The following RNF149 variants were observed in gnomAD, a reference collection of about 807,000 sequenced individuals.
The protein encoded by RNF149 is ring finger protein 149, also known as E3 ubiquitin-protein ligase RNF149.
A neutral mutation model predicts 39.0 loss-of-function variants in RNF149; 21 were observed. The observed-to-expected ratio is 0.54, with a 90% CI of 0.38 to 0.77. The LOEUF is 0.77. Ranked by LOEUF, RNF149 falls within the 30% of genes least tolerant of loss-of-function variation. RNF149 has a pLI of 0.00. For synonymous variants in RNF149, 209 were observed against 213.6 expected, an observed-to-expected ratio of 0.98 and a Z score of 0.19; for missense variants, 493 against 534.9, an observed-to-expected ratio of 0.92 and a Z score of 0.77.
chr2:101,275,624 G>A lies in RNF149; in HGVS notation c.*1614C>T, dbSNP rs1419406527. On this transcript the variant is annotated 3_prime_UTR_variant, in exon 7 of 7. Transcript: ENST00000295317. Reference sequence around the variant, plus strand: ...GCCCGGCTAATTTTTTGTATTTTTAGTAGAGACGGGGTTTCACCGTTTTAG... The same window carrying A: ...GCCCGGCTAATTTTTTGTATTTTTAATAGAGACGGGGTTTCACCGTTTTAG... The A allele has an allele frequency of 2.7e-5, 4 of 149,394 alleles. No individual in the cohort carries two copies. The highest frequency in any genetic ancestry group is 4.3e-4 in the East Asian group (2 of 4,688). 9.3% of individuals were successfully genotyped at this position (149,394 alleles called of 1,614,324 possible). A position where few individuals can be genotyped will look rare whatever the true frequency, so the allele number is the denominator to read the frequency against.
chr2:101,275,972 G>C lies in RNF149; in HGVS notation c.*1266C>G. On this transcript the variant is annotated 3_prime_UTR_variant, in exon 7 of 7. Transcript: ENST00000295317. Reference sequence around the variant, plus strand: ...CTGTAGAGTTTATTTCAGTAAAACTGTTTACTATTTCATGATGAGTAGCTA... The same window carrying C: ...CTGTAGAGTTTATTTCAGTAAAACTCTTTACTATTTCATGATGAGTAGCTA... 7.3e-6 allele frequency: 7 copies of C among 964,298 alleles called. No homozygotes were observed. The highest frequency in any genetic ancestry group is 8.6e-6 in the Non-Finnish European group (7 of 810,808). 59.7% of individuals were successfully genotyped at this position (964,298 alleles called of 1,614,324 possible).
At position 101,294,853 on chromosome 2, in the gene RNF149, G is replaced by T. The variant is rs997778204; in HGVS notation, c.711+78C>A. The T allele has an allele frequency of 3.5e-5, 41 of 1,168,932 alleles. No homozygotes were observed. The African/African-American group carries it at 6.1e-4, about 18-fold the overall frequency. 72.4% of individuals were successfully genotyped at this position (1,168,932 alleles called of 1,614,324 possible). A position where few individuals can be genotyped will look rare whatever the true frequency, so the allele number is the denominator to read the frequency against. On this transcript the variant is annotated intron_variant, in intron 2 of 6. Transcript: ENST00000295317. ...GCGAAAATCAAGATTATGGTCAAAT[G>T]TAACTTCTAGGAATATATATGCGGC...
In RNF149 at chr2:101,277,000, G is replaced by A. The variant is rs190679143; in HGVS notation, c.*238C>T. ...GCCCCAGTTGTCTTTGTAATAGTCTGAAGCAACACACTGTTCATGGTAAAC... is the reference window on the plus strand; with the variant it reads ...GCCCCAGTTGTCTTTGTAATAGTCTAAAGCAACACACTGTTCATGGTAAAC... On this transcript the variant is annotated 3_prime_UTR_variant, in exon 7 of 7. Transcript: ENST00000295317. 1 of 1,241,112 alleles carries A rather than the reference G, an allele frequency of 8.1e-7. No homozygotes were observed. Among genetic ancestry groups the A allele is most frequent in the African/African-American group, 1.5e-5 (1 of 64,572 alleles). 76.9% of individuals were successfully genotyped at this position (1,241,112 alleles called of 1,614,324 possible).
intron 3 of RNF149, among the ~76,000 whole-genome samples, chr2:101,290,259 T>G (rs993786336): frequency 1.3e-5 from 2 of 152,226 alleles, no homozygotes; most frequent in African/African-American, 4.8e-5. Context: ...TCATTTATCA[T>G]ACACAGGGCA....
At chr2:101,291,362 GCTGGTCTCGAACTC>G (rs1683002620) in intron 3 of RNF149, among the ~76,000 whole-genome samples, 1 of 151,676 alleles carries the variant, frequency 6.6e-6, no homozygotes, top group African/African-American at 2.4e-5. Flanking sequence ...TGTTGGCCAA[GCTGGTCTCGAACTC>G]CTGACCTCGT....
intron 1 of RNF149, among the ~76,000 whole-genome samples, chr2:101,297,526 T>A (rs907299486): frequency 7.7e-6 from 1 of 130,204 alleles, no homozygotes. Context: ...CTGGCTAATT[T>A]TTTTCATTTT....
Position 101,291,400 on chromosome 2 carries a change from C to T in RNF149, c.781-2345G>A, listed in dbSNP as rs111556788. On this transcript the variant is annotated intron_variant, in intron 3 of 6. Coordinates refer to ENST00000295317, the MANE Select transcript of RNF149 (RefSeq NM_173647.4). Reference sequence around the variant, plus strand: ...TCCTGACCTCGTGATCCACCCGCCTCGGCCTCCCAAAGTGCTGGGATTACA... The same window carrying T: ...TCCTGACCTCGTGATCCACCCGCCTTGGCCTCCCAAAGTGCTGGGATTACA... Among the ~76,000 whole-genome samples the T allele has an allele frequency of 2.8e-3, 431 of 152,008 alleles. 2 individuals are homozygous for T. Among genetic ancestry groups the T allele is most frequent in the African/African-American group, 9.7e-3 (401 of 41,522 alleles).
chr2:101,275,606 T>TA lies in RNF149; in HGVS notation c.*1631dup, dbSNP rs1160919010. ...ACAGGCGCCCGCCACTACGCCCGGC[T>TA]AATTTTTTGTATTTTTAGTAGAGAC... On this transcript the variant is annotated 3_prime_UTR_variant, in exon 7 of 7. Transcript: ENST00000295317. 2 of 151,104 alleles carry TA rather than the reference T, an allele frequency of 1.3e-5. No individual in the cohort carries two copies. Among genetic ancestry groups the TA allele is most frequent in the African/African-American group, 5.1e-5 (2 of 39,516 alleles). The allele number at this position is 151,104 out of a possible 1,614,324, so 9.4% of individuals were successfully genotyped here. A position where few individuals can be genotyped will look rare whatever the true frequency, so the allele number is the denominator to read the frequency against.
chr2:101,285,746 G>C (rs988015332), intron 5 of RNF149, among the ~76,000 whole-genome samples: 8 of 152,110 alleles, frequency 5.3e-5, no homozygotes, highest in African/African-American at 1.9e-4. Flanking sequence ...AACCTATGAG[G>C]CTCCTTCCTT....
At chr2:101,298,427 AAAT>A (rs757577305) in intron 1 of RNF149, among the ~76,000 whole-genome samples, 23 of 152,088 alleles carry the variant, frequency 1.5e-4, no homozygotes, top group Non-Finnish European at 3.1e-4. Flanking sequence ...ACTGTCTCAA[AAAT>A]AATAATAATA....
downstream of RNF149, chr2:101,273,210 G>A: frequency 6.7e-6 from 7 of 1,049,874 alleles, no homozygotes; most frequent in South Asian, 9.2e-5. Flanking sequence ...AGACACCGAG[G>A]AGCCGAGGAA....
chr2:101,273,568 G>A (rs1032729731), downstream of RNF149, among the ~76,000 whole-genome samples: 2 of 151,198 alleles, frequency 1.3e-5, no homozygotes, highest in Non-Finnish European at 2.9e-5. Flanking sequence ...AACCTCTTGG[G>A]CTCAAGCGAT....
In RNF149 at chr2:101,308,288, G is replaced by T. The variant is rs1476138929; in HGVS notation, c.301C>A (p.Pro101Thr). Residue 101 changes from proline (P) to threonine (T), a missense_variant, in exon 1 of 7, where the codon CCC (proline) becomes ACC (threonine). By Grantham distance (38) the Pro-to-Thr change is conservative. Transcript: ENST00000295317. Reference sequence around the variant, plus strand: ...CAGGGCGCGGCCCCTCGGCCGCCGGGCTCGGGCACGAAGAAGCGCGTGTCG... The same window carrying T: ...CAGGGCGCGGCCCCTCGGCCGCCGGTCTCGGGCACGAAGAAGCGCGTGTCG... ...APDTRFFVPEPGGRGAAPWVA... is the reference protein window; with the variant it reads ...APDTRFFVPETGGRGAAPWVA... 5 of 1,577,732 alleles carry T rather than the reference G, an allele frequency of 3.2e-6. No homozygotes were observed. Among genetic ancestry groups the T allele is most frequent in the Non-Finnish European group, 4.3e-6 (5 of 1,164,762 alleles).
intron 5 of RNF149, among the ~76,000 whole-genome samples, chr2:101,285,807 T>C (rs761724424): frequency 1.1e-4 from 17 of 152,250 alleles, no homozygotes; most frequent in Non-Finnish European, 2.2e-4. Flanking sequence ...ACATACATTC[T>C]GTGGTGCAGC....
At chr2:101,299,058 G>C (rs982812353) in intron 1 of RNF149, among the ~76,000 whole-genome samples, 3 of 152,198 alleles carry the variant, frequency 2.0e-5, no homozygotes, top group Non-Finnish European at 4.4e-5. Flanking sequence ...TCTGGAGGCT[G>C]AGGCAGAAGA....
At chr2:101,299,553 C>T (rs888639800) in intron 1 of RNF149, among the ~76,000 whole-genome samples, 3 of 152,158 alleles carry the variant, frequency 2.0e-5, no homozygotes, top group Non-Finnish European at 2.9e-5. Context: ...TGGCACTTTG[C>T]AAGCTAGAAG....
At chr2:101,284,502 A>T (rs549672260) in intron 5 of RNF149, among the ~76,000 whole-genome samples, 1 of 152,136 alleles carries the variant, frequency 6.6e-6, no homozygotes, top group African/African-American at 2.4e-5. Context: ...AATCACTTGA[A>T]CCCATGAGGC....
chr2:101,303,494 T>C (rs2104437327), intron 1 of RNF149, among the ~76,000 whole-genome samples: 1 of 152,270 alleles, frequency 6.6e-6, no homozygotes, highest in South Asian at 2.1e-4. Flanking sequence ...TTACAGAGCA[T>C]CAAGAATTTA....
At chr2:101,298,254 C>T (rs886982782) in intron 1 of RNF149, among the ~76,000 whole-genome samples, 1 of 152,082 alleles carries the variant, frequency 6.6e-6, no homozygotes, top group African/African-American at 2.4e-5. Context: ...AACCCTATCT[C>T]TACTTAAAAG....
Sources: gnomAD v4.1 joint callset for allele counts (sites outside exome capture counted in the v4.1 genomes callset) on GRCh38, gnomAD v4.1.1 for gene constraint, MANE v1.5 for transcripts, NCBI Gene and HGNC (gene_info 2026-07-23, HGNC 2026-07-21) for gene names.